Variants in APOBEC1 observed in about 807,000 individuals in gnomAD.
The protein encoded by APOBEC1 is apolipoprotein B mRNA editing enzyme catalytic subunit 1.
APOBEC1 carries 22 observed loss-of-function variants against 26.3 expected under a neutral mutation model. The observed-to-expected ratio is 0.84, with a 90% CI of 0.60 to 1.19. The LOEUF is 1.19. APOBEC1 is among the 50% of genes most tolerant of loss of function. APOBEC1 has a pLI of 0.00. For missense variants in APOBEC1, 253 were observed against 289.0 expected, an observed-to-expected ratio of 0.88 and a Z score of 0.90; for synonymous variants, 77 against 95.3, an observed-to-expected ratio of 0.81 and a Z score of 1.12.
At chr12:7,663,766 C>T (rs1220682271) in intron 1 of APOBEC1, among the ~76,000 whole-genome samples, 1 of 152,094 alleles carries the variant, frequency 6.6e-6, no homozygotes, top group African/African-American at 2.4e-5. Context: ...ATAGAACACA[C>T]CACCTTCATA....
upstream of APOBEC1, chr12:7,665,945 G>A (rs924124891): frequency 1.9e-6 from 3 of 1,570,014 alleles, no homozygotes; most frequent in Admixed American, 1.7e-5. Flanking sequence ...TGTTGCTTCA[G>A]GTGTGCCCAC....
chr12:7,660,372 G>GA (rs1339806880), intron 1 of APOBEC1, among the ~76,000 whole-genome samples: 1,467 of 96,592 alleles, frequency 0.015, 34 homozygotes, highest in African/African-American at 0.053. Context: ...AGGAAGGAAG[G>GA]AAGGAAAGAA....
At chr12:7,660,375 G>GGAAAGAGAAA (rs1555094886) in intron 1 of APOBEC1, among the ~76,000 whole-genome samples, 3 of 23,950 alleles carry the variant, frequency 1.3e-4, no homozygotes, top group African/African-American at 3.8e-4. Flanking sequence ...AAGGAAGGAA[G>GGAAAGAGAAA]GAAAGAAAGA....
intron 1 of APOBEC1, among the ~76,000 whole-genome samples, chr12:7,659,426 T>C (rs1863773419): frequency 6.8e-6 from 1 of 146,358 alleles, no homozygotes; most frequent in South Asian, 2.1e-4. Context: ...GGAGTACTTG[T>C]GACCAACTCA....
chr12:7,650,702 T>C (rs966922965), intron 4 of APOBEC1, among the ~76,000 whole-genome samples: 1 of 152,066 alleles, frequency 6.6e-6, no homozygotes, highest in African/African-American at 2.4e-5. Context: ...CCAAAGTGCT[T>C]GGATTACAGG....
Position 7,649,563 on chromosome 12 carries a change from G to A in APOBEC1, c.695C>T (p.Ser232Phe). 1.2e-6 allele frequency: 2 copies of A among 1,614,158 alleles called. No homozygotes were observed. Among genetic ancestry groups the A allele is most frequent in the Middle Eastern group, 1.6e-4 (1 of 6,062 alleles). The change falls in exon 5 of 5, where the codon TCT (serine) becomes TTT (phenylalanine). Residue 232 changes from serine to phenylalanine, a missense_variant. By Grantham distance (155) the Ser-to-Phe change is radical. Transcript: ENST00000229304. ...TCATCCTATTCATCTCCAAGCCACA[G>A]AAGGATGTATCAGCCCTGTAGCTAA... ...ILLATGLIHP[S>F]VAWR
rs1555094885 is a variant in APOBEC1 at position 7,660,375 on chromosome 12, G to GGAAAGAAAGAAAGAAAGAAAGAAA, written c.16+5458_16+5481dup. Among the ~76,000 whole-genome samples, 121 of 23,942 alleles carry GGAAAGAAAGAAAGAAAGAAAGAAA rather than the reference G, an allele frequency of 5.1e-3. 7 individuals are homozygous for GGAAAGAAAGAAAGAAAGAAAGAAA. Among genetic ancestry groups the GGAAAGAAAGAAAGAAAGAAAGAAA allele is most frequent in the African/African-American group, 0.014 (113 of 7,916 alleles). The allele number at this position is 23,942 out of a possible 152,430, so 15.7% of individuals were successfully genotyped here. A position where few individuals can be genotyped will look rare whatever the true frequency, so the allele number is the denominator to read the frequency against. On this transcript the variant is annotated intron_variant, in intron 1 of 4. Coordinates refer to ENST00000229304, the MANE Select transcript of APOBEC1 (RefSeq NM_001644.5). The stretch of plus-strand genomic sequence containing the variant: ...AGGAAGGAAGGAAGGAAGGAAGGAA[G>GGAAAGAAAGAAAGAAAGAAAGAAA]GAAAGAAAGAAAGAAAGAAAGAAAG...
chr12:7,665,422 C>T (rs758491667), intron 1 of APOBEC1, among the ~76,000 whole-genome samples: 6 of 152,144 alleles, frequency 3.9e-5, no homozygotes, highest in South Asian at 4.2e-4. Flanking sequence ...CTCAGCCTCC[C>T]GAGTAGCTGG....
rs60124402 is a variant in APOBEC1 at position 7,665,752 on chromosome 12, GACACACACACACACACACACAC to G, written c.16+83_16+104del. The G allele has an allele frequency of 3.1e-4, 244 of 775,688 alleles. 1 individual carries two copies. Among genetic ancestry groups the G allele is most frequent in the East Asian group, 1.7e-3 (49 of 28,716 alleles). 48.1% of individuals were successfully genotyped at this position (775,688 alleles called of 1,614,324 possible). A position where few individuals can be genotyped will look rare whatever the true frequency, so the allele number is the denominator to read the frequency against. The stretch of plus-strand genomic sequence containing the variant: ...CACCCACAGATGCAAGAATCAGCAG[GACACACACACACACACACACAC>G]ACACACACACACACACACACACACA... On this transcript the variant is annotated intron_variant, in intron 1 of 4. Transcript: ENST00000229304.
Position 7,659,257 on chromosome 12 carries a change from G to A in APOBEC1, c.17-4625C>T, listed in dbSNP as rs1409948107. Among the ~76,000 whole-genome samples, 3 of 112,236 alleles carry A rather than the reference G, an allele frequency of 2.7e-5. No homozygotes were observed. In the Admixed American group the frequency reaches 3.7e-4, roughly 14 times the overall value. 73.6% of individuals were successfully genotyped at this position (112,236 alleles called of 152,430 possible). A position where few individuals can be genotyped will look rare whatever the true frequency, so the allele number is the denominator to read the frequency against. On this transcript the variant is annotated intron_variant, in intron 1 of 4. Coordinates refer to ENST00000229304, the MANE Select transcript of APOBEC1 (RefSeq NM_001644.5). ...TGTAGTGAGCCGAGATCGCGCCATTGCACTCCAGCCTGGGCAACAAGAGTG... is the reference window on the plus strand; with the variant it reads ...TGTAGTGAGCCGAGATCGCGCCATTACACTCCAGCCTGGGCAACAAGAGTG...
At chr12:7,666,013 C>T (rs758953867), upstream of APOBEC1, 91 of 863,614 alleles carry the variant, frequency 1.1e-4, no homozygotes, top group Admixed American at 3.8e-4. Flanking sequence ...TTATGGGAAT[C>T]TGAGCTGTCT....
intron 1 of APOBEC1, among the ~76,000 whole-genome samples, chr12:7,661,890 T>C (rs1254926452): frequency 6.6e-6 from 1 of 152,184 alleles, no homozygotes; most frequent in Non-Finnish European, 1.5e-5. Flanking sequence ...TGAGCAGTCA[T>C]CTAAATTCCC....
At chr12:7,654,505 G>A in intron 2 of APOBEC1, 100 bp downstream of exon 2, 1 of 1,254,016 alleles carries the variant, frequency 8.0e-7, no homozygotes, top group South Asian at 1.2e-5. Context: ...AGCCTCCTGA[G>A]TAGCTGGGAT....
intron 1 of APOBEC1, among the ~76,000 whole-genome samples, chr12:7,660,371 G>A (rs376305132): frequency 0.3 from 4,872 of 16,226 alleles, 152 homozygotes; most frequent in Middle Eastern, 0.5. Context: ...AAGGAAGGAA[G>A]GAAGGAAAGA....
At chr12:7,657,855 A>C (rs1011147287) in intron 1 of APOBEC1, among the ~76,000 whole-genome samples, 4 of 152,146 alleles carry the variant, frequency 2.6e-5, no homozygotes, top group African/African-American at 9.7e-5. Context: ...CAGCAGGGGC[A>C]AGAGAGACAG....
chr12:7,652,079 C>T (rs1032142099), intron 3 of APOBEC1, among the ~76,000 whole-genome samples: 2 of 152,246 alleles, frequency 1.3e-5, no homozygotes, highest in Non-Finnish European at 2.9e-5. Flanking sequence ...ACCTCGGCCT[C>T]CCAAAGTGCT....
At chr12:7,667,269 C>A (rs140888995), upstream of APOBEC1, among the ~76,000 whole-genome samples, 1 of 152,078 alleles carries the variant, frequency 6.6e-6, no homozygotes, top group South Asian at 2.1e-4. Context: ...TATGCCATTG[C>A]TCTCTGTTGC....
chr12:7,655,168 C>T (rs778525419), intron 1 of APOBEC1, among the ~76,000 whole-genome samples: 9 of 151,780 alleles, frequency 5.9e-5, no homozygotes, highest in Non-Finnish European at 8.8e-5. Flanking sequence ...AAGATCGCAC[C>T]ATTGCACTCC....
chr12:7,658,107 A>G (rs1386367205), intron 1 of APOBEC1, among the ~76,000 whole-genome samples: 2 of 152,052 alleles, frequency 1.3e-5, no homozygotes, highest in African/African-American at 4.8e-5. Flanking sequence ...TCCACCACCC[A>G]GGCTGGAGTC....
Sources: gnomAD v4.1 joint callset for allele counts (sites outside exome capture counted in the v4.1 genomes callset) on GRCh38, gnomAD v4.1.1 for gene constraint, MANE v1.5 for transcripts, NCBI Gene and HGNC (gene_info 2026-07-23, HGNC 2026-07-21) for gene names.